Variants in SCN3A observed in about 807,000 individuals in gnomAD.
SCN3A encodes the protein sodium voltage-gated channel alpha subunit 3, also known as sodium channel protein type 3 subunit alpha.
In SCN3A, 60 loss-of-function variants were observed where a neutral mutation model predicts 187.6. That is an observed-to-expected ratio of 0.32 (90% confidence interval 0.26 to 0.40). SCN3A has a LOEUF of 0.40. SCN3A is among the 10% of genes least tolerant of loss of function. The pLI is 1.00. For synonymous variants in SCN3A, 788 were observed against 829.2 expected (o/e 0.95, Z 0.85); for missense variants, 1,601 against 2,428.2 (o/e 0.66, Z 7.16).
intron 12 of SCN3A, among the ~76,000 whole-genome samples, chr2:165,143,709 T>C (rs1688153207): frequency 6.6e-6 from 1 of 152,234 alleles, no homozygotes; most frequent in African/African-American, 2.4e-5. Context: ...TGTCAAAACA[T>C]ATTTCCCAGG....
chr2:165,137,689 CA>C (rs1687749631), intron 15 of SCN3A, among the ~76,000 whole-genome samples, 189 bp downstream of exon 15: 1 of 152,156 alleles, frequency 6.6e-6, no homozygotes, highest in African/African-American at 2.4e-5. Flanking sequence ...TTGGCCTAAA[CA>C]ATCAGCATTC....
chr2:165,155,913 A>T lies in SCN3A; in HGVS notation c.1032-10T>A. ...TCCTTCTGGACACTGGCTATAAGAG[A>T]GAGAAATGGAGGTAGGGTCAGTTTA... On this transcript the variant is annotated splice_polypyrimidine_tract_variant and intron_variant, in intron 9 of 27. Coordinates refer to ENST00000283254, the MANE Select transcript of SCN3A (RefSeq NM_006922.4). 6.2e-7 allele frequency: 1 copy of T among 1,614,014 alleles called. No individual in the cohort carries two copies. The highest frequency in any genetic ancestry group is 8.5e-7 in the Non-Finnish European group (1 of 1,179,956).
At chr2:165,142,418 G>A (rs1349786108) in intron 12 of SCN3A, among the ~76,000 whole-genome samples, 1 of 152,112 alleles carries the variant, frequency 6.6e-6, no homozygotes, top group East Asian at 1.9e-4. Flanking sequence ...CTGTCTCAGT[G>A]ATATTCTGGA....
intron 22 of SCN3A, among the ~76,000 whole-genome samples, chr2:165,099,325 A>G (rs1278950558): frequency 1.3e-5 from 2 of 152,194 alleles, no homozygotes; most frequent in African/African-American, 2.4e-5. Flanking sequence ...GTTTAGATGC[A>G]TAATATACAT....
chr2:165,197,570 CTTTCTCTTTAGCTGTGTTTTTTTTT>C (rs958865567), intron 1 of SCN3A, among the ~76,000 whole-genome samples: 1 of 148,620 alleles, frequency 6.7e-6, no homozygotes, highest in African/African-American at 2.5e-5. Flanking sequence ...TTGCATATCT[CTTTCTCTTTAGCTGTGTTTTTTTTT>C]TTTCTCCTGA....
chr2:165,112,771 A>T, intron 21 of SCN3A, 114 bp downstream of exon 21: 1 of 942,950 alleles, frequency 1.1e-6, no homozygotes, highest in Non-Finnish European at 1.6e-6. Flanking sequence ...AGTTTTGTTT[A>T]AATAACTGCA....
rs1339137727 is a variant in SCN3A at position 165,147,045 on chromosome 2, G to A, written c.1381-16C>T. The A allele has an allele frequency of 6.2e-7, 1 of 1,613,678 alleles. No homozygotes were observed. Among genetic ancestry groups the A allele is most frequent in the East Asian group, 2.2e-5 (1 of 44,866 alleles). ...CCGCAACTGCCTGTCATAAAACAAA[G>A]CCAGGCACTATTTAGAACACAGAGC... On this transcript the variant is annotated splice_polypyrimidine_tract_variant and intron_variant, in intron 11 of 27. Coordinates refer to ENST00000283254, the MANE Select transcript of SCN3A (RefSeq NM_006922.4).
At chr2:165,105,357 A>C (rs1685799106) in intron 21 of SCN3A, among the ~76,000 whole-genome samples, 1 of 152,118 alleles carries the variant, frequency 6.6e-6, no homozygotes, top group Admixed American at 6.6e-5. Context: ...TTTTCCCATT[A>C]ATAGTACTGA....
Position 165,157,538 on chromosome 2 carries a change from A to T in SCN3A, c.1032-1635T>A, listed in dbSNP as rs114597731. 4.4e-3 allele frequency among the ~76,000 whole-genome samples: 666 copies of T among 152,272 alleles called. 3 individuals carry two copies. The highest frequency in any genetic ancestry group is 0.015 in the African/African-American group (640 of 41,552). ...CACTCACTATGACTTATCACTCTTG[A>T]TGTTAACTTTCACCACCTGTCTTGA... On this transcript the variant is annotated intron_variant, in intron 9 of 27. Transcript: ENST00000283254.
At position 165,186,584 on chromosome 2, in the gene SCN3A, C is replaced by A. The variant is rs1462627762; in HGVS notation, c.-84G>T. 1 of 152,114 alleles carries A rather than the reference C, an allele frequency of 6.6e-6. No individual in the cohort carries two copies. The highest frequency in any genetic ancestry group is 1.5e-5 in the Non-Finnish European group (1 of 68,008). The allele number at this position is 152,114 out of a possible 1,614,324, so 9.4% of individuals were successfully genotyped here. On this transcript the variant is annotated 5_prime_UTR_variant, in exon 2 of 28. Coordinates refer to ENST00000283254, the MANE Select transcript of SCN3A (RefSeq NM_006922.4). ...GTCACAGCACCTTTTTCCGGAAAAGCTCCAGGTCCCTTCTGTGAATTATCT... is the reference window on the plus strand; with the variant it reads ...GTCACAGCACCTTTTTCCGGAAAAGATCCAGGTCCCTTCTGTGAATTATCT...
chr2:165,112,857 T>C, intron 21 of SCN3A, 28 bp downstream of exon 21: 3 of 1,601,026 alleles, frequency 1.9e-6, no homozygotes, highest in Non-Finnish European at 2.6e-6. Flanking sequence ...TTAAAAACAA[T>C]TTTATAAAAA....
chr2:165,099,881 G>A (rs1685525555), intron 22 of SCN3A, among the ~76,000 whole-genome samples: 1 of 152,144 alleles, frequency 6.6e-6, no homozygotes. Context: ...AATTCAAGAA[G>A]CAAAGCACAC....
At chr2:165,191,098 C>T (rs1691579793) in intron 1 of SCN3A, among the ~76,000 whole-genome samples, 1 of 137,024 alleles carries the variant, frequency 7.3e-6, no homozygotes, top group African/African-American at 2.7e-5. Flanking sequence ...AACATGTATA[C>T]TGGGCATATC....
rs1685027366 is a variant in SCN3A at position 165,090,372 on chromosome 2, A to G, written c.5781T>C (p.Tyr1927=). The G allele has an allele frequency of 1.9e-6, 3 of 1,613,030 alleles. No individual in the cohort carries two copies. Among genetic ancestry groups the G allele is most frequent in the Non-Finnish European group, 2.5e-6 (3 of 1,179,122 alleles). The part of the protein sequence containing the change: ...KQRLKNISSN[Y]NKEAIKGRID... Reference sequence around the variant, plus strand: ...TCCTCCCTTTAATTGCCTCTTTGTTATAGTTACTTGATATATTTTTTAACC... The same window carrying G: ...TCCTCCCTTTAATTGCCTCTTTGTTGTAGTTACTTGATATATTTTTTAACC... Residue 1927 remains tyrosine, a synonymous_variant, in exon 28 of 28, where the codon TAT becomes TAC. Coordinates refer to ENST00000283254, the MANE Select transcript of SCN3A (RefSeq NM_006922.4). The surrounding 1 kb of genome is among the most constrained non-coding windows in gnomAD (Gnocchi z 4.0).
chr2:165,115,065 T>C (rs1348993602), intron 19 of SCN3A, among the ~76,000 whole-genome samples: 4 of 152,126 alleles, frequency 2.6e-5, no homozygotes, highest in Non-Finnish European at 2.9e-5. Flanking sequence ...ATTTATGTAT[T>C]TATTTTGAGA....
At chr2:165,095,059 T>C (rs1002975064) in intron 25 of SCN3A, among the ~76,000 whole-genome samples, 1 of 151,944 alleles carries the variant, frequency 6.6e-6, no homozygotes, top group African/African-American at 2.4e-5. Context: ...CTAGGAACAT[T>C]CCAGGATAAA....
At chr2:165,165,863 T>C (rs1358722788) in intron 5 of SCN3A, among the ~76,000 whole-genome samples, 1 of 152,208 alleles carries the variant, frequency 6.6e-6, no homozygotes, top group Non-Finnish European at 1.5e-5. Flanking sequence ...CCCTTCCTTT[T>C]CTCCCCCAAC....
chr2:165,181,426 G>A (rs1690864664), intron 2 of SCN3A, among the ~76,000 whole-genome samples: 1 of 152,182 alleles, frequency 6.6e-6, no homozygotes, highest in Admixed American at 6.5e-5. Flanking sequence ...ATGGCACATT[G>A]TTATGAAGGT....
chr2:165,110,355 A>C (rs1161111883), intron 21 of SCN3A, among the ~76,000 whole-genome samples: 2 of 152,194 alleles, frequency 1.3e-5, no homozygotes, highest in Non-Finnish European at 2.9e-5. Context: ...TGTCACTATA[A>C]ATCTAATTTT....
Sources: gnomAD v4.1 joint callset for allele counts (sites outside exome capture counted in the v4.1 genomes callset) on GRCh38, gnomAD v4.1.1 for gene constraint, Gnocchi (gnomAD v3.1) non-coding constraint, MANE v1.5 for transcripts, NCBI Gene and HGNC (gene_info 2026-07-23, HGNC 2026-07-21) for gene names.